Variants in CCDC15 observed in about 807,000 individuals in gnomAD.
CCDC15 encodes coiled-coil domain containing 15.
A neutral mutation model predicts 114.5 loss-of-function variants in CCDC15; 105 were observed. The ratio of observed to expected loss-of-function variants is 0.92; its 90% CI spans 0.78 to 1.08. The LOEUF (loss-of-function observed/expected upper bound fraction) is 1.08. Among genes scored for constraint, CCDC15 ranks in the 50% least tolerant of loss-of-function variants. CCDC15 has a pLI of 0.00. For missense variants in CCDC15, 1,105 were observed against 1,093.6 expected (o/e 1.01, Z -0.15); for synonymous variants, 334 against 377.8 (o/e 0.88, Z 1.34).
chr11:125,010,506 A>G (rs1948582705), intron 13 of CCDC15, among the ~76,000 whole-genome samples: 1 of 151,864 alleles, frequency 6.6e-6, no homozygotes, highest in African/African-American at 2.4e-5. Context: ...GACTACAGGC[A>G]TGTACCACCA....
At chr11:125,002,168 C>T (rs563520766) in intron 11 of CCDC15, among the ~76,000 whole-genome samples, 1 of 152,222 alleles carries the variant, frequency 6.6e-6, no homozygotes, top group Admixed American at 6.5e-5. Flanking sequence ...ATGTTGAACA[C>T]CTTTTCATGT....
intron 4 of CCDC15, among the ~76,000 whole-genome samples, chr11:124,972,869 T>C (rs1236853961): frequency 2.0e-5 from 3 of 152,228 alleles, no homozygotes; most frequent in Non-Finnish European, 4.4e-5. Context: ...AAGGACACTT[T>C]TGATGGCATT....
At chr11:125,001,709 T>C (rs986593573) in intron 11 of CCDC15, among the ~76,000 whole-genome samples, 2 of 152,224 alleles carry the variant, frequency 1.3e-5, no homozygotes, top group Non-Finnish European at 2.9e-5. Context: ...TCAAAATCCA[T>C]TGATGTAGCA....
At chr11:124,997,133 G>A (rs947680872) in intron 11 of CCDC15, among the ~76,000 whole-genome samples, 1 of 152,148 alleles carries the variant, frequency 6.6e-6, no homozygotes, top group African/African-American at 2.4e-5. Context: ...CCTATTGATG[G>A]ACATCTGGGT....
chr11:124,975,264 A>C, intron 5 of CCDC15, 55 bp downstream of exon 5: 1 of 1,056,410 alleles, frequency 9.5e-7, no homozygotes, highest in Non-Finnish European at 1.4e-6. Flanking sequence ...AATACAGATA[A>C]AGATTTACTT....
At chr11:125,021,716 A>G (rs1424040115) in intron 13 of CCDC15, among the ~76,000 whole-genome samples, 2 of 151,806 alleles carry the variant, frequency 1.3e-5, no homozygotes, top group Non-Finnish European at 2.9e-5. Context: ...CAAAAGAGGG[A>G]CGGGGCTGAC....
intron 13 of CCDC15, among the ~76,000 whole-genome samples, chr11:125,031,017 A>G (rs112107492): frequency 3.3e-5 from 5 of 152,274 alleles, no homozygotes; most frequent in African/African-American, 1.2e-4. Flanking sequence ...TTTTTCAATC[A>G]TGCTTCTTTC....
intron 13 of CCDC15, among the ~76,000 whole-genome samples, chr11:125,011,249 T>C (rs1262479758): frequency 6.9e-6 from 1 of 145,578 alleles, no homozygotes; most frequent in East Asian, 1.9e-4. Flanking sequence ...ATTATTATTA[T>C]TTTTTAAGAT....
intron 5 of CCDC15, among the ~76,000 whole-genome samples, chr11:124,977,155 T>C (rs184348493): frequency 2.4e-4 from 37 of 152,266 alleles, no homozygotes; most frequent in African/African-American, 7.7e-4. Flanking sequence ...GATTTGGAGA[T>C]ACAAGTGGAA....
intron 7 of CCDC15, 60 bp from the exon 8 acceptor site, chr11:124,987,067 A>G: frequency 7.1e-7 from 1 of 1,407,468 alleles, no homozygotes; most frequent in East Asian, 2.5e-5. Flanking sequence ...ATTATTTTGG[A>G]AAATCTAGAG....
chr11:125,033,624 C>T (rs1210337425), intron 13 of CCDC15, among the ~76,000 whole-genome samples: 1 of 152,174 alleles, frequency 6.6e-6, no homozygotes, highest in Non-Finnish European at 1.5e-5. Flanking sequence ...CTAATCCACT[C>T]CACCATTCCA....
At chr11:125,005,657 A>T (rs757633256) in intron 13 of CCDC15, among the ~76,000 whole-genome samples, 4 of 152,120 alleles carry the variant, frequency 2.6e-5, no homozygotes, top group Non-Finnish European at 2.9e-5. Flanking sequence ...GTCTACCATT[A>T]TGGTATTATA....
At chr11:125,027,410 T>G (rs917461424) in intron 13 of CCDC15, among the ~76,000 whole-genome samples, 1 of 152,124 alleles carries the variant, frequency 6.6e-6, no homozygotes, top group Non-Finnish European at 1.5e-5. Flanking sequence ...TTATTTTTTT[T>G]ATTTTTAAAT....
intron 6 of CCDC15, among the ~76,000 whole-genome samples, chr11:124,984,172 CAT>C (rs888787321): frequency 2.0e-5 from 3 of 152,118 alleles, no homozygotes; most frequent in Admixed American, 6.5e-5. Context: ...TGCACACACA[CAT>C]GTGAGTAAAA....
In CCDC15 at chr11:124,984,886, A is replaced by G. The variant is rs146332486; in HGVS notation, c.754-1856A>G. 2.1e-3 allele frequency among the ~76,000 whole-genome samples: 321 copies of G among 151,628 alleles called. 1 individual carries two copies. The highest frequency in any genetic ancestry group is 3.3e-3 in the Non-Finnish European group (222 of 67,838). ...CCAGAGATCTGCTAAGAGTGTACCTAATGTTCCAGTCTCTCGGTAGTAGAT... is the reference window on the plus strand; with the variant it reads ...CCAGAGATCTGCTAAGAGTGTACCTGATGTTCCAGTCTCTCGGTAGTAGAT... On this transcript the variant is annotated intron_variant, in intron 6 of 15. Coordinates refer to ENST00000344762, the MANE Select transcript of CCDC15 (RefSeq NM_025004.3).
intron 13 of CCDC15, among the ~76,000 whole-genome samples, chr11:125,023,060 G>C (rs1357750509): frequency 6.6e-6 from 1 of 151,838 alleles, no homozygotes; most frequent in African/African-American, 2.4e-5. Flanking sequence ...TATGGAGTGT[G>C]CTTTTGATGA....
chr11:124,961,914 C>T (rs1031324739), intron 4 of CCDC15, among the ~76,000 whole-genome samples: 4 of 151,964 alleles, frequency 2.6e-5, no homozygotes, highest in Admixed American at 2.6e-4. Context: ...AGTAATGGAA[C>T]CTTTCTAATT....
chr11:124,954,799 C>A lies in CCDC15; in HGVS notation c.67C>A (p.Leu23Met), dbSNP rs1402766579. ...AAGGTTGCCCCTGGCTTTAAACCCC[C>A]TGAAGAGCAAGGACGTGTTGGCAGT... ...TSRLPLALNP[L>M]KSKDVLAVLA... is the part of the protein sequence containing the mutation. Residue 23 changes from leucine to methionine, a missense_variant, in exon 2 of 16, where the codon CTG (leucine) becomes ATG (methionine). Coordinates refer to ENST00000344762, the MANE Select transcript of CCDC15 (RefSeq NM_025004.3). 1.2e-6 allele frequency: 2 copies of A among 1,613,904 alleles called. No individual in the cohort carries two copies. Among genetic ancestry groups the A allele is most frequent in the African/African-American group, 2.7e-5 (2 of 74,934 alleles).
intron 6 of CCDC15, among the ~76,000 whole-genome samples, chr11:124,978,532 T>C (rs561904922): frequency 4.9e-4 from 75 of 152,124 alleles, no homozygotes; most frequent in African/African-American, 1.6e-3. Flanking sequence ...CTGTAATCTT[T>C]TGGCTTTTTC....
Sources: gnomAD v4.1 joint callset for allele counts (sites outside exome capture counted in the v4.1 genomes callset) on GRCh38, gnomAD v4.1.1 for gene constraint, MANE v1.5 for transcripts, NCBI Gene and HGNC (gene_info 2026-07-23, HGNC 2026-07-21) for gene names.